The following SIN3A variants were observed in gnomAD, a reference collection of about 807,000 sequenced individuals.
SIN3A encodes the protein paired amphipathic helix protein Sin3a.
A neutral mutation model predicts 146.1 loss-of-function variants in SIN3A; 14 were observed. That is an observed-to-expected ratio of 0.10 (90% CI 0.06 to 0.15). The LOEUF (loss-of-function observed/expected upper bound fraction) is 0.15. Ranked by LOEUF, SIN3A falls within the 10% of genes least tolerant of loss-of-function variation. SIN3A has a pLI of 1.00. For synonymous variants in SIN3A, 572 were observed against 572.0 expected, an observed-to-expected ratio of 1.00 and a Z score of 0.00; for missense variants, 1,028 against 1,576.0, an observed-to-expected ratio of 0.65 and a Z score of 5.89.
chr15:75,433,063 T>G (rs2074041148), intron 1 of SIN3A, among the ~76,000 whole-genome samples: 1 of 151,972 alleles, frequency 6.6e-6, no homozygotes, highest in Non-Finnish European at 1.5e-5. Context: ...AAAAAAAAAC[T>G]TTATAAATAA....
chr15:75,454,780 A>C (rs1416120953), upstream of SIN3A: 1 of 151,928 alleles, frequency 6.6e-6, no homozygotes, highest in Non-Finnish European at 1.5e-5. Context: ...AGGGGAAGAG[A>C]GCAGCAGTCG....
intron 13 of SIN3A, among the ~76,000 whole-genome samples, chr15:75,395,951 CAGTT>C (rs910472898): frequency 1.3e-5 from 2 of 152,090 alleles, no homozygotes; most frequent in East Asian, 1.9e-4. Context: ...ATGTTAACAA[CAGTT>C]AGTCCTGAGT....
chr15:75,396,892 T>C (rs1355945785), intron 12 of SIN3A, among the ~76,000 whole-genome samples: 1 of 152,192 alleles, frequency 6.6e-6, no homozygotes, highest in Non-Finnish European at 1.5e-5. Context: ...TCCCTGAACT[T>C]TCCTGAATTG....
chr15:75,437,670 A>G (rs1223793836), intron 1 of SIN3A, among the ~76,000 whole-genome samples: 1 of 152,202 alleles, frequency 6.6e-6, no homozygotes, highest in Non-Finnish European at 1.5e-5. Flanking sequence ...CAAACGATGG[A>G]ACCACAAAGT....
intron 1 of SIN3A, among the ~76,000 whole-genome samples, chr15:75,435,054 A>C (rs573912677): frequency 9.2e-5 from 14 of 152,152 alleles, no homozygotes; most frequent in Non-Finnish European, 1.8e-4. Context: ...TAATTGGTAC[A>C]GCCTATTTAG....
chr15:75,396,723 G>A (rs2073311810), intron 12 of SIN3A, among the ~76,000 whole-genome samples: 1 of 152,212 alleles, frequency 6.6e-6, no homozygotes, highest in South Asian at 2.1e-4. Flanking sequence ...AAAGTATTTA[G>A]CACAATACCT....
At chr15:75,402,768 G>A (rs1030033334) in intron 9 of SIN3A, among the ~76,000 whole-genome samples, 6 of 152,144 alleles carry the variant, frequency 3.9e-5, no homozygotes, top group African/African-American at 1.4e-4. Flanking sequence ...CCAAGTAGGT[G>A]GGATTACAGG....
chr15:75,405,365 TAA>T (rs57252194), intron 9 of SIN3A, among the ~76,000 whole-genome samples: 2 of 123,038 alleles, frequency 1.6e-5, no homozygotes, highest in Non-Finnish European at 3.5e-5. Context: ...AGACTCTGTC[TAA>T]AAAAAAAAAA....
chr15:75,411,657 C>G lies in SIN3A; in HGVS notation c.843G>C (p.Gln281His). The G allele has an allele frequency of 6.2e-7, 1 of 1,614,118 alleles. No individual in the cohort carries two copies. Among genetic ancestry groups the G allele is most frequent in the South Asian group, 1.1e-5 (1 of 91,064 alleles). The change falls in exon 6 of 21, where the codon CAG becomes CAC. Residue 281 changes from glutamine to histidine, a missense_variant. Coordinates refer to ENST00000394947, the MANE Select transcript of SIN3A (RefSeq NM_001145358.2). Reference protein sequence around the residue: ...PYASPRSPPVQPHTPVTISLG... With the variant: ...PYASPRSPPVHPHTPVTISLG... ...ACGAGATTGTCACTGGTGTGTGAGGCTGGACCGGCGGAGAACGTGGGGATG... is the reference window on the plus strand; with the variant it reads ...ACGAGATTGTCACTGGTGTGTGAGGGTGGACCGGCGGAGAACGTGGGGATG...
At chr15:75,377,360 C>T (rs1383870722) in intron 19 of SIN3A, among the ~76,000 whole-genome samples, 1 of 152,136 alleles carries the variant, frequency 6.6e-6, no homozygotes, top group Non-Finnish European at 1.5e-5. Context: ...CACAGTGGCT[C>T]ATGCTTGTAA....
At chr15:75,438,398 G>A (rs1214011530) in intron 1 of SIN3A, among the ~76,000 whole-genome samples, 1 of 151,940 alleles carries the variant, frequency 6.6e-6, no homozygotes, top group East Asian at 1.9e-4. Context: ...AAAAACGGGT[G>A]GGATGCTGGG....
At chr15:75,423,601 C>G (rs2073876477) in intron 2 of SIN3A, among the ~76,000 whole-genome samples, 1 of 152,048 alleles carries the variant, frequency 6.6e-6, no homozygotes, top group Non-Finnish European at 1.5e-5. Flanking sequence ...TAGCGTGAAC[C>G]CAGGAGGCGG....
intron 19 of SIN3A, among the ~76,000 whole-genome samples, chr15:75,377,147 A>G (rs1055521155): frequency 2.6e-5 from 4 of 152,156 alleles, no homozygotes; most frequent in Admixed American, 6.6e-5. Flanking sequence ...CCAAATTCCA[A>G]TATCAATTTG....
At position 75,444,634 on chromosome 15, in the gene SIN3A, C is replaced by T. The variant is rs947403443; in HGVS notation, c.-34+6789G>A. Among the ~76,000 whole-genome samples the T allele has an allele frequency of 2.4e-4, 36 of 151,558 alleles. No homozygotes were observed. In the South Asian group the frequency reaches 6.5e-3, roughly 27 times the overall value. On this transcript the variant is annotated intron_variant, in intron 1 of 20. Coordinates refer to ENST00000394947, the MANE Select transcript of SIN3A (RefSeq NM_001145358.2). The stretch of plus-strand genomic sequence containing the variant: ...CTGTAATCCCAGCACTTTGGGAGGC[C>T]GAGGTGGGCAGACTGCTTGAGCCCA...
At chr15:75,416,395 G>C (rs191905340) in intron 3 of SIN3A, among the ~76,000 whole-genome samples, 66 of 152,286 alleles carry the variant, frequency 4.3e-4, no homozygotes, top group African/African-American at 1.6e-3. Flanking sequence ...GTGCGATCTT[G>C]GCTCACTGTA....
chr15:75,398,398 A>C (rs1595898410), intron 12 of SIN3A, among the ~76,000 whole-genome samples: 1 of 152,318 alleles, frequency 6.6e-6, no homozygotes, highest in Middle Eastern at 3.4e-3. Context: ...CTCCTGGGAC[A>C]GGCGCAGTGG....
At chr15:75,444,679 G>C (rs750684983) in intron 1 of SIN3A, among the ~76,000 whole-genome samples, 3 of 151,930 alleles carry the variant, frequency 2.0e-5, no homozygotes, top group Admixed American at 6.6e-5. Context: ...GACCAATCTG[G>C]GCAATACAGA....
intron 18 of SIN3A, 90 bp downstream of exon 18, chr15:75,381,523 T>C: frequency 1.1e-6 from 1 of 942,674 alleles, no homozygotes; most frequent in Non-Finnish European, 1.7e-6. Context: ...TGAGGTGCCT[T>C]GGCCTTTTGG....
At chr15:75,438,840 G>A (rs896482650) in intron 1 of SIN3A, among the ~76,000 whole-genome samples, 3 of 152,062 alleles carry the variant, frequency 2.0e-5, no homozygotes, top group East Asian at 1.9e-4. Context: ...AACTTCCATC[G>A]CAGTATTAAG....
Sources: gnomAD v4.1 joint callset for allele counts (sites outside exome capture counted in the v4.1 genomes callset) on GRCh38, gnomAD v4.1.1 for gene constraint, MANE v1.5 for transcripts, NCBI Gene and HGNC (gene_info 2026-07-23, HGNC 2026-07-21) for gene names.